The following SCN3A variants were observed in gnomAD, a reference collection of about 807,000 sequenced individuals.
SCN3A encodes sodium voltage-gated channel alpha subunit 3, also known as sodium channel protein type 3 subunit alpha.
Under a neutral mutation model 187.6 loss-of-function variants are expected in SCN3A, and 60 were observed. That is an observed-to-expected ratio of 0.32 (90% confidence interval 0.26 to 0.40). The LOEUF (loss-of-function observed/expected upper bound fraction) is 0.40. Among genes scored for constraint, SCN3A ranks in the 10% least tolerant of loss-of-function variants. SCN3A has a pLI of 1.00. For synonymous variants in SCN3A, 788 were observed against 829.2 expected, an observed-to-expected ratio of 0.95 and a Z score of 0.85; for missense variants, 1,601 against 2,428.2, an observed-to-expected ratio of 0.66 and a Z score of 7.16.
chr2:165,093,384 A>G (rs1434817687), intron 26 of SCN3A: 1 of 152,006 alleles, frequency 6.6e-6, no homozygotes, highest in Non-Finnish European at 1.5e-5. Context: ...TTCTTTACCT[A>G]TGCCCTGTGC....
chr2:165,150,080 C>A (rs1688605305), intron 11 of SCN3A, among the ~76,000 whole-genome samples: 1 of 152,152 alleles, frequency 6.6e-6, no homozygotes, highest in African/African-American at 2.4e-5. Flanking sequence ...GCAATATAGA[C>A]TGCTATGGGA....
intron 18 of SCN3A, among the ~76,000 whole-genome samples, chr2:165,117,556 G>T (rs1362341686): frequency 6.6e-6 from 1 of 152,038 alleles, no homozygotes; most frequent in Admixed American, 6.6e-5. Flanking sequence ...AAGATCCAGT[G>T]TATCACCAAG....
At chr2:165,154,322 T>A (rs1688879409) in intron 11 of SCN3A, 130 bp downstream of exon 11, 7 of 1,033,258 alleles carry the variant, frequency 6.8e-6, no homozygotes, top group Non-Finnish European at 9.7e-6. Flanking sequence ...TTTGAATACT[T>A]TTTTTTCTAA....
At chr2:165,169,245 G>T (rs183167565) in intron 4 of SCN3A, among the ~76,000 whole-genome samples, 6 of 151,964 alleles carry the variant, frequency 3.9e-5, no homozygotes, top group Non-Finnish European at 7.4e-5. Flanking sequence ...AGAATGTAGA[G>T]CCCAGTATAA....
chr2:165,132,183 A>G (rs1485527546), intron 15 of SCN3A, among the ~76,000 whole-genome samples: 16 of 152,186 alleles, frequency 1.1e-4, no homozygotes, highest in Admixed American at 1.0e-3. Context: ...AAGAATCAAT[A>G]TCGTGAAAAT....
In SCN3A at chr2:165,140,644, TTA is replaced by T; in HGVS notation, c.2019+5_2019+6del. The T allele has an allele frequency of 6.2e-7, 1 of 1,610,434 alleles. No homozygotes were observed. Among genetic ancestry groups the T allele is most frequent in the Non-Finnish European group, 8.5e-7 (1 of 1,176,672 alleles). On this transcript the variant is annotated splice_donor_5th_base_variant and intron_variant, in intron 13 of 27. Coordinates refer to ENST00000283254, the MANE Select transcript of SCN3A (RefSeq NM_006922.4). The surrounding 1 kb of genome is among the most constrained non-coding windows in gnomAD (Gnocchi z 4.2). ...ATGTCAGTAGCAGCTAGGTCATCTA[TTA>T]TCACCTCTGGGGGAAGTTGTCCAGT... is the stretch of plus-strand genomic sequence containing the variant.
chr2:165,173,304 T>C (rs1188949704), intron 3 of SCN3A, among the ~76,000 whole-genome samples: 1 of 152,178 alleles, frequency 6.6e-6, no homozygotes, highest in East Asian at 1.9e-4. Flanking sequence ...GGTTAAGAGC[T>C]CTGGCTCTGG....
intron 15 of SCN3A, among the ~76,000 whole-genome samples, chr2:165,132,556 G>T (rs1687399572): frequency 6.6e-6 from 1 of 152,164 alleles, no homozygotes. Context: ...AATAAATGGT[G>T]CTGGGAAAAC....
At chr2:165,097,694 A>G in intron 22 of SCN3A, 170 bp from the exon 23 acceptor site, 1 of 810,958 alleles carries the variant, frequency 1.2e-6, no homozygotes, top group Non-Finnish European at 2.0e-6. Context: ...AAAACAAACA[A>G]TGACACAACT....
At chr2:165,167,641 T>G (rs1042306980) in intron 5 of SCN3A, among the ~76,000 whole-genome samples, 1 of 152,134 alleles carries the variant, frequency 6.6e-6, no homozygotes, top group Non-Finnish European at 1.5e-5. Flanking sequence ...GTTTCTTTGA[T>G]GCAAATAACC....
At chr2:165,100,469 T>C in intron 21 of SCN3A, 45 bp from the exon 22 acceptor site, 3 of 1,592,716 alleles carry the variant, frequency 1.9e-6, no homozygotes, top group African/African-American at 1.3e-5. Flanking sequence ...AGAAATAAAC[T>C]GTTGACTGAA....
rs774195502 is a variant in SCN3A at position 165,155,865 on chromosome 2, C to T, written c.1070G>A (p.Arg357Gln). ...GCTTGTGTAGCCATAGTTGGGGTTT[C>T]GACCAGCCTTCACACAGATGTATCC... ...PEGYICVKAG[R>Q]NPNYGYTSFD... is the part of the protein sequence containing the mutation. Residue 357 changes from arginine (R) to glutamine (Q), a missense_variant, in exon 10 of 28, where the codon CGA becomes CAA. Arg to Gln is a conservative substitution (Grantham distance 43). Coordinates refer to ENST00000283254, the MANE Select transcript of SCN3A (RefSeq NM_006922.4). 90 of 1,613,984 alleles carry T rather than the reference C, an allele frequency of 5.6e-5. No homozygotes were observed. The highest frequency in any genetic ancestry group is 8.0e-5 in the African/African-American group (6 of 74,896).
At chr2:165,116,103 C>CATT (rs36034269) in intron 18 of SCN3A, among the ~76,000 whole-genome samples, 36,475 of 151,904 alleles carry the variant, frequency 0.24, 4,310 homozygotes, top group South Asian at 0.29. Context: ...TAGTCACAGT[C>CATT]ATATTTCAAC....
intron 3 of SCN3A, among the ~76,000 whole-genome samples, chr2:165,173,145 AG>A (rs1392954890): frequency 1.3e-5 from 2 of 152,186 alleles, no homozygotes; most frequent in African/African-American, 2.4e-5. Flanking sequence ...GTTTACTAAA[AG>A]TTTTACTACT....
chr2:165,090,071 C>G lies in SCN3A; in HGVS notation c.*79G>C. 1 of 1,537,878 alleles carries G rather than the reference C, an allele frequency of 6.5e-7. No individual in the cohort carries two copies. Among genetic ancestry groups the G allele is most frequent in the Non-Finnish European group, 8.7e-7 (1 of 1,142,894 alleles). ...ACAGTCAGTTTGGCATGGACCTCCT[C>G]TTGAAGTCCAGTTGACACATATACT... On this transcript the variant is annotated 3_prime_UTR_variant, in exon 28 of 28. Coordinates refer to ENST00000283254, the MANE Select transcript of SCN3A (RefSeq NM_006922.4). The surrounding 1 kb of genome is among the most constrained non-coding windows in gnomAD (Gnocchi z 4.0).
intron 23 of SCN3A, among the ~76,000 whole-genome samples, 187 bp downstream of exon 23, chr2:165,097,065 A>G (rs923178499): frequency 4.6e-5 from 7 of 152,216 alleles, no homozygotes; most frequent in African/African-American, 1.7e-4. Flanking sequence ...CTTAACACTA[A>G]GGAAAATACA....
chr2:165,150,455 TC>T (rs1688626526), intron 11 of SCN3A, among the ~76,000 whole-genome samples: 1 of 152,206 alleles, frequency 6.6e-6, no homozygotes, highest in Non-Finnish European at 1.5e-5. Context: ...ACTTGTGTTG[TC>T]AATAAGGAAC....
chr2:165,170,499 G>C lies in SCN3A; in HGVS notation c.314C>G (p.Thr105Ser). Residue 105 changes from threonine (T) to serine (S), a missense_variant, in exon 4 of 28, where the codon ACC becomes AGC. By Grantham distance (58) the Thr-to-Ser change is moderately conservative. This residue lies in a region of SCN3A where 122 missense variants were observed against 225.1 expected (regional missense o/e 0.54). Coordinates refer to ENST00000283254, the MANE Select transcript of SCN3A (RefSeq NM_006922.4). ...TGGAGTTAAAATATACAAGGCAGAG[G>C]TGGCACTGAATCGGAAAATTGCCTT... Reference protein sequence around the residue: ...KGKAIFRFSATSALYILTPLN... With the variant: ...KGKAIFRFSASSALYILTPLN... 6.2e-7 allele frequency: 1 copy of C among 1,611,686 alleles called. No individual in the cohort carries two copies. The highest frequency in any genetic ancestry group is 8.5e-7 in the Non-Finnish European group (1 of 1,178,432).
chr2:165,166,513 T>C (rs1452358902), intron 5 of SCN3A, among the ~76,000 whole-genome samples: 2 of 152,120 alleles, frequency 1.3e-5, no homozygotes, highest in South Asian at 4.1e-4. Context: ...TAAAATGCAG[T>C]ATAAATAAAA....
Sources: allele counts gnomAD v4.1 joint callset (sites outside exome capture counted in the v4.1 genomes callset), GRCh38; gene constraint gnomAD v4.1.1; regional missense constraint gnomAD v4.1.1; non-coding constraint Gnocchi (gnomAD v3.1); transcripts MANE v1.5; gene names NCBI Gene and HGNC (gene_info 2026-07-23, HGNC 2026-07-21).